Variants in KSR1 observed in about 807,000 individuals in gnomAD.
The protein encoded by KSR1 is kinase suppressor of ras.
In KSR1, 35 loss-of-function variants were observed where a neutral mutation model predicts 92.9. That is an observed-to-expected ratio of 0.38 (90% CI 0.29 to 0.50). The LOEUF is 0.50. Ranked by LOEUF, KSR1 falls within the 20% of genes least tolerant of loss-of-function variation. The pLI, the probability that KSR1 is intolerant of heterozygous loss-of-function variation, is 0.94. For missense variants in KSR1, 972 were observed against 1,158.5 expected, an observed-to-expected ratio of 0.84 and a Z score of 2.34; for synonymous variants, 467 against 472.6, an observed-to-expected ratio of 0.99 and a Z score of 0.15.
At chr17:27,566,970 CTG>C (rs2072099995) in intron 2 of KSR1, among the ~76,000 whole-genome samples, 1 of 152,116 alleles carries the variant, frequency 6.6e-6, no homozygotes, top group Admixed American at 6.5e-5. Context: ...GTTATAGAGA[CTG>C]TGAGTGCTGA....
At position 27,550,616 on chromosome 17, in the gene KSR1, G is replaced by C; in HGVS notation, c.280G>C (p.Val94Leu). ...TAAGCAGAGGCAGTGCAAGCTGAGC[G>C]TGGCTCCCGGTGAGAGGACCCCAGA... ...ICKQRQCKLSVAPGERTPELN... is the reference protein window; with the variant it reads ...ICKQRQCKLSLAPGERTPELN... Residue 94 changes from valine (V) to leucine (L), a missense_variant, in exon 2 of 21, where the codon GTG becomes CTG. Coordinates refer to ENST00000644974, the MANE Select transcript of KSR1 (RefSeq NM_001394583.1). 1 of 764,796 alleles carries C rather than the reference G, an allele frequency of 1.3e-6. No homozygotes were observed. 47.4% of individuals were successfully genotyped at this position (764,796 alleles called of 1,614,324 possible). A position where few individuals can be genotyped will look rare whatever the true frequency, so the allele number is the denominator to read the frequency against.
chr17:27,611,747 G>A, intron 18 of KSR1, 118 bp downstream of exon 18: 7 of 1,161,204 alleles, frequency 6.0e-6, no homozygotes, highest in Non-Finnish European at 8.7e-6. Flanking sequence ...TCTGCCACCT[G>A]CACGTGTCTA....
chr17:27,475,290 G>A (rs1025563488), intron 1 of KSR1, among the ~76,000 whole-genome samples: 1 of 152,220 alleles, frequency 6.6e-6, no homozygotes, highest in African/African-American at 2.4e-5. Context: ...GGAGGGAAGA[G>A]TAATGAGAAG....
In KSR1 at chr17:27,609,289, T is replaced by C. The variant is rs2073850217; in HGVS notation, c.2185T>C (p.Phe729Leu). ...CAACGGCAAGGTGGTCATCACAGAC[T>C]TCGGGCTGTTTGGGATCTCAGGCGT... ...YDNGKVVITD[F>L]GLFGISGVVR... Residue 729 changes from phenylalanine to leucine, a missense_variant, in exon 16 of 21, where the codon TTC (phenylalanine) becomes CTC (leucine). Phe to Leu is a conservative substitution (Grantham distance 22). Coordinates refer to ENST00000644974, the MANE Select transcript of KSR1 (RefSeq NM_001394583.1). 1 of 1,613,848 alleles carries C rather than the reference T, an allele frequency of 6.2e-7. No homozygotes were observed. The highest frequency in any genetic ancestry group is 8.5e-7 in the Non-Finnish European group (1 of 1,179,882).
rs781136121 is a variant in KSR1, at chr17:27,550,856, G to A, written c.372+148G>A. On this transcript the variant is annotated intron_variant, in intron 2 of 20. Coordinates refer to ENST00000644974, the MANE Select transcript of KSR1 (RefSeq NM_001394583.1). ...AAGGAGGATGGGGAGGGACAGCAGC[G>A]CCAGGAGGGATCCAGGGTACATGTG... 4.0e-4 allele frequency: 242 copies of A among 610,426 alleles called. 1 individual carries two copies. The highest frequency in any genetic ancestry group is 5.9e-4 in the Non-Finnish European group (197 of 334,610). The allele number at this position is 610,426 out of a possible 1,614,324, so 37.8% of individuals were successfully genotyped here.
intron 2 of KSR1, among the ~76,000 whole-genome samples, chr17:27,565,369 G>A (rs1407961908): frequency 6.6e-6 from 1 of 152,210 alleles, no homozygotes; most frequent in African/African-American, 2.4e-5. Flanking sequence ...GTAACTGTAT[G>A]AGGAGGCAGT....
At chr17:27,510,636 C>T (rs1334026728) in intron 1 of KSR1, among the ~76,000 whole-genome samples, 4 of 152,148 alleles carry the variant, frequency 2.6e-5, no homozygotes, top group African/African-American at 9.7e-5. Context: ...TGAAATAGGG[C>T]ATTTGAGAGG....
At position 27,624,794 on chromosome 17, in the gene KSR1, C is replaced by T. The variant is rs1402991296; in HGVS notation, c.*1402C>T. On this transcript the variant is annotated 3_prime_UTR_variant, in exon 21 of 21. Coordinates refer to ENST00000644974, the MANE Select transcript of KSR1 (RefSeq NM_001394583.1). ...GACTTGGGGAGGGAGGGGTGTGGCT[C>T]CCACCCCTTCCAGTTAAGACCTGCC... 1 of 152,104 alleles carries T rather than the reference C, an allele frequency of 6.6e-6. No individual in the cohort carries two copies. 9.4% of individuals were successfully genotyped at this position (152,104 alleles called of 1,614,324 possible).
At chr17:27,589,931 T>C (rs1044848552) in intron 6 of KSR1, among the ~76,000 whole-genome samples, 2 of 152,214 alleles carry the variant, frequency 1.3e-5, no homozygotes, top group Non-Finnish European at 2.9e-5. Flanking sequence ...CAAACAAATA[T>C]GTATATATGT....
At chr17:27,538,363 G>A (rs529313742) in intron 1 of KSR1, among the ~76,000 whole-genome samples, 2 of 152,334 alleles carry the variant, frequency 1.3e-5, no homozygotes, top group Non-Finnish European at 2.9e-5. Flanking sequence ...GTTGCGAGAT[G>A]GCCACTGCAG....
At chr17:27,513,597 C>T (rs1216574460) in intron 1 of KSR1, among the ~76,000 whole-genome samples, 3 of 152,190 alleles carry the variant, frequency 2.0e-5, no homozygotes, top group Non-Finnish European at 2.9e-5. Context: ...CTCACCTTAG[C>T]AAGGGTGTGT....
rs1280751574 is a variant in KSR1, at chr17:27,559,099, G to A, written c.372+8391G>A. 3.3e-5 allele frequency among the ~76,000 whole-genome samples: 5 copies of A among 152,164 alleles called. No homozygotes were observed. The South Asian group carries it at 6.2e-4, about 19-fold the overall frequency. ...TGTCTTTTGGTTGGATAGTGTTTGC[G>A]GTCTTAAAGTTTCCAGGAAATAATG... On this transcript the variant is annotated intron_variant, in intron 2 of 20. Coordinates refer to ENST00000644974, the MANE Select transcript of KSR1 (RefSeq NM_001394583.1). The surrounding 1 kb of genome is among the most constrained non-coding windows in gnomAD (Gnocchi z 4.2).
At chr17:27,570,350 TC>T (rs1189659370) in intron 2 of KSR1, among the ~76,000 whole-genome samples, 1 of 152,202 alleles carries the variant, frequency 6.6e-6, no homozygotes, top group East Asian at 1.9e-4. Flanking sequence ...CAGCCTTATC[TC>T]CCATCTCAGG....
chr17:27,568,505 A>T (rs887290514), intron 2 of KSR1, among the ~76,000 whole-genome samples: 4 of 152,118 alleles, frequency 2.6e-5, no homozygotes, highest in African/African-American at 9.7e-5. Flanking sequence ...GTGCATGTGG[A>T]GGAGGAGGGG....
chr17:27,462,658 C>T (rs1597818028), intron 1 of KSR1, among the ~76,000 whole-genome samples: 3 of 152,206 alleles, frequency 2.0e-5, no homozygotes, highest in East Asian at 1.9e-4. Flanking sequence ...CTCTGATAAA[C>T]AGTGTATTCT....
At chr17:27,534,602 A>G (rs1002587119) in intron 1 of KSR1, among the ~76,000 whole-genome samples, 1 of 152,170 alleles carries the variant, frequency 6.6e-6, no homozygotes, top group Admixed American at 6.5e-5. Context: ...ACTATCCATC[A>G]CTATACTGCC....
intron 1 of KSR1, among the ~76,000 whole-genome samples, chr17:27,495,705 C>G (rs2068962298): frequency 6.6e-6 from 1 of 152,204 alleles, no homozygotes; most frequent in South Asian, 2.1e-4. Context: ...CGAGCTCTCA[C>G]AGAGCATTCA....
At chr17:27,585,005 C>T (rs899457498) in intron 4 of KSR1, among the ~76,000 whole-genome samples, 18 of 152,312 alleles carry the variant, frequency 1.2e-4, no homozygotes, top group Middle Eastern at 3.4e-3. Context: ...GGCGCAATCT[C>T]GGCTCACTGC....
intron 2 of KSR1, among the ~76,000 whole-genome samples, chr17:27,552,582 C>A (rs560473110): frequency 6.6e-6 from 1 of 152,212 alleles, no homozygotes; most frequent in Non-Finnish European, 1.5e-5. Context: ...CTCCATGAGT[C>A]ACCTGCCATG....
Sources: allele counts gnomAD v4.1 joint callset (sites outside exome capture counted in the v4.1 genomes callset), GRCh38; gene constraint gnomAD v4.1.1; non-coding constraint Gnocchi (gnomAD v3.1); transcripts MANE v1.5; gene names NCBI Gene and HGNC (gene_info 2026-07-23, HGNC 2026-07-21).